The following LIPC variants were observed in gnomAD, a reference collection of about 807,000 sequenced individuals.
LIPC encodes lipase C, hepatic type.
Under a neutral mutation model 50.7 loss-of-function variants are expected in LIPC, and 44 were observed. The observed-to-expected ratio is 0.87, with a 90% CI of 0.68 to 1.11. The LOEUF (loss-of-function observed/expected upper bound fraction) is 1.11, where lower values mean the gene tolerates loss of function less well. Among genes scored for constraint, LIPC ranks in the 50% most tolerant of loss-of-function variants. The probability of loss-of-function intolerance (pLI) is 0.00; values close to 1 mark genes in which losing one functional copy is unlikely to be tolerated. For synonymous variants in LIPC, 271 were observed against 256.4 expected (o/e 1.06, Z -0.54); for missense variants, 697 against 648.2 (o/e 1.08, Z -0.82).
chr15:58,449,585 C>G (rs1393915355), intron 1 of LIPC, among the ~76,000 whole-genome samples: 1 of 151,544 alleles, frequency 6.6e-6, no homozygotes, highest in African/African-American at 2.4e-5. Flanking sequence ...CAGAGTCTCA[C>G]TCTGTCAACC....
At chr15:58,478,671 G>A (rs534711934) in intron 1 of LIPC, among the ~76,000 whole-genome samples, 4 of 152,314 alleles carry the variant, frequency 2.6e-5, no homozygotes, top group African/African-American at 9.6e-5. Context: ...TAGTTGATAA[G>A]TATCAGAGCC....
intron 1 of LIPC, among the ~76,000 whole-genome samples, chr15:58,504,915 TCTC>T (rs1319476189): frequency 1.3e-5 from 2 of 152,142 alleles, no homozygotes; most frequent in South Asian, 2.1e-4. Flanking sequence ...AAAGCAGTAA[TCTC>T]CTGGTTATGT....
chr15:58,468,804 G>T (rs1415942435), intron 1 of LIPC, among the ~76,000 whole-genome samples: 1 of 152,128 alleles, frequency 6.6e-6, no homozygotes, highest in African/African-American at 2.4e-5. Flanking sequence ...ACTCTGCTAG[G>T]CTGGTAATAT....
At chr15:58,448,979 G>A (rs558095515) in intron 1 of LIPC, among the ~76,000 whole-genome samples, 31 of 152,288 alleles carry the variant, frequency 2.0e-4, no homozygotes, top group Non-Finnish European at 3.5e-4. Flanking sequence ...CACACATGAC[G>A]AGAAAACTGT....
intron 1 of LIPC, among the ~76,000 whole-genome samples, chr15:58,464,429 C>T (rs1274568382): frequency 6.6e-6 from 1 of 152,214 alleles, no homozygotes; most frequent in East Asian, 1.9e-4. Flanking sequence ...TTCATTAAAG[C>T]AACACATCAT....
At position 58,442,233 on chromosome 15, in the gene LIPC, C is replaced by T. The variant is rs557519551; in HGVS notation, c.88+10113C>T. ...GTGCCAGGAGATCTGCAGTGGTGACCTTCCCTGGTATCAGCTATTTAAATA... is the reference window on the plus strand; with the variant it reads ...GTGCCAGGAGATCTGCAGTGGTGACTTTCCCTGGTATCAGCTATTTAAATA... On this transcript the variant is annotated intron_variant, in intron 1 of 8. Coordinates refer to ENST00000299022, the MANE Select transcript of LIPC (RefSeq NM_000236.3). Among the ~76,000 whole-genome samples, 7 of 152,284 alleles carry T rather than the reference C, an allele frequency of 4.6e-5. No homozygotes were observed. The South Asian group carries it at 6.2e-4, about 14-fold the overall frequency.
chr15:58,539,007 A>G (rs1190922999), intron 2 of LIPC, among the ~76,000 whole-genome samples: 1 of 152,172 alleles, frequency 6.6e-6, no homozygotes, highest in African/African-American at 2.4e-5. Context: ...TATGTAACCC[A>G]AAAACCGGCT....
At chr15:58,508,116 A>C (rs1892214212) in intron 1 of LIPC, among the ~76,000 whole-genome samples, 1 of 152,038 alleles carries the variant, frequency 6.6e-6, no homozygotes, top group Admixed American at 6.5e-5. Flanking sequence ...CTCAGGGAGG[A>C]GACTAGAGGT....
chr15:58,469,425 T>G (rs1894702128), intron 1 of LIPC, among the ~76,000 whole-genome samples: 1 of 152,152 alleles, frequency 6.6e-6, no homozygotes, highest in Non-Finnish European at 1.5e-5. Context: ...GAAAATCAGC[T>G]TTTCTCCTCT....
intron 1 of LIPC, among the ~76,000 whole-genome samples, chr15:58,513,991 G>A (rs1395505976): frequency 6.6e-6 from 1 of 152,196 alleles, no homozygotes; most frequent in Admixed American, 6.5e-5. Flanking sequence ...TTTCCGTGAC[G>A]AGCTGGTGAC....
intron 6 of LIPC, 118 bp from the exon 7 acceptor site, chr15:58,560,746 T>G: frequency 1.5e-6 from 1 of 652,636 alleles, no homozygotes. Flanking sequence ...TGTTAACATA[T>G]TAATATCTAT....
chr15:58,432,173 G>A lies in LIPC; in HGVS notation c.88+53G>A, dbSNP rs149520038. On this transcript the variant is annotated intron_variant, in intron 1 of 8. Transcript: ENST00000299022. ...GGGCATGAACTTTTCTTTTTAAAAC[G>A]TGTGTCACAAAGAATCCAGGGGTTT... The A allele has an allele frequency of 3.9e-5, 50 of 1,295,474 alleles. No homozygotes were observed. The African/African-American group carries it at 5.4e-4, about 14-fold the overall frequency. The allele number at this position is 1,295,474 out of a possible 1,614,324, so 80.2% of individuals were successfully genotyped here.
At chr15:58,471,804 T>G (rs1453064769) in intron 1 of LIPC, among the ~76,000 whole-genome samples, 2 of 152,146 alleles carry the variant, frequency 1.3e-5, no homozygotes, top group African/African-American at 4.8e-5. Flanking sequence ...TCCACCCTCC[T>G]CACCCAATCA....
chr15:58,499,828 G>C (rs1340752095), intron 1 of LIPC, among the ~76,000 whole-genome samples: 1 of 152,180 alleles, frequency 6.6e-6, no homozygotes, highest in Non-Finnish European at 1.5e-5. Flanking sequence ...GGAAAACTGT[G>C]TCCTGGGGAG....
At chr15:58,434,867 A>G (rs1378757852) in intron 1 of LIPC, 1 of 152,084 alleles carries the variant, frequency 6.6e-6, no homozygotes, top group Non-Finnish European at 1.5e-5. Flanking sequence ...CAGCTTGCAA[A>G]TCCTAGGAGC....
Position 58,560,918 on chromosome 15 carries a change from A to T in LIPC, c.1106A>T (p.Gln369Leu). Residue 369 changes from glutamine (Q) to leucine (L), a missense_variant, in exon 7 of 9, where the codon CAA becomes CTA. Coordinates refer to ENST00000299022, the MANE Select transcript of LIPC (RefSeq NM_000236.3). ...ATCAACCAAACTGAGACACCAATAC[A>T]AACAACTTTTACCATGTCACTACTC... ...QFINQTETPI[Q>L]TTFTMSLLGT... 1 of 1,564,594 alleles carries T rather than the reference A, an allele frequency of 6.4e-7. No individual in the cohort carries two copies. The highest frequency in any genetic ancestry group is 1.1e-5 in the South Asian group (1 of 90,030).
chr15:58,550,513 C>A (rs1893711440), intron 6 of LIPC, among the ~76,000 whole-genome samples: 1 of 152,128 alleles, frequency 6.6e-6, no homozygotes, highest in Admixed American at 6.5e-5. Context: ...TAAGGAAGAC[C>A]AAAGAATTGC....
At chr15:58,508,887 T>G (rs1487535972) in intron 1 of LIPC, among the ~76,000 whole-genome samples, 1 of 152,090 alleles carries the variant, frequency 6.6e-6, no homozygotes, top group African/African-American at 2.4e-5. Flanking sequence ...CTTCTGTGCA[T>G]CCTTTCTTCT....
At chr15:58,515,230 T>C (rs184853066) in intron 1 of LIPC, among the ~76,000 whole-genome samples, 108 of 152,308 alleles carry the variant, frequency 7.1e-4, no homozygotes, top group African/African-American at 2.4e-3. Flanking sequence ...AAAGTCCCTT[T>C]TCCATATAAG....
Sources: gnomAD v4.1 joint callset for allele counts (sites outside exome capture counted in the v4.1 genomes callset) on GRCh38, gnomAD v4.1.1 for gene constraint, MANE v1.5 for transcripts, NCBI Gene and HGNC (gene_info 2026-07-23, HGNC 2026-07-21) for gene names.